Variants in ALOX5 observed in about 807,000 individuals in gnomAD.
The protein encoded by ALOX5 is arachidonate 5-lipoxygenase.
ALOX5 carries 64 observed loss-of-function variants against 87.9 expected under a neutral mutation model. That is an observed-to-expected ratio of 0.73 (90% confidence interval 0.60 to 0.90). The LOEUF (loss-of-function observed/expected upper bound fraction) is 0.90. Among genes scored for constraint, ALOX5 ranks in the 40% least tolerant of loss-of-function variants. ALOX5 has a pLI of 0.00. For missense variants in ALOX5, 822 were observed against 907.5 expected, an observed-to-expected ratio of 0.91 and a Z score of 1.21; for synonymous variants, 388 against 355.1, an observed-to-expected ratio of 1.09 and a Z score of -1.04.
Position 45,428,608 on chromosome 10 carries a change from C to A in ALOX5, c.835-10C>A. 1 of 1,613,942 alleles carries A rather than the reference C, an allele frequency of 6.2e-7. No individual in the cohort carries two copies. The highest frequency in any genetic ancestry group is 8.5e-7 in the Non-Finnish European group (1 of 1,179,956). On this transcript the variant is annotated splice_polypyrimidine_tract_variant and intron_variant, in intron 6 of 13. Coordinates refer to ENST00000374391, the MANE Select transcript of ALOX5 (RefSeq NM_000698.5). ...AGCCTGATTTGGACACATCTCTCTG[C>A]CTCCTGCAGCAAGGGAACATTTTCA...
rs1842311321 is a variant in ALOX5 at position 45,443,430 on chromosome 10, T to G, written c.1466T>G (p.Val489Gly). ...WEAIRTFTAE[V>G]VDIYYEGDQV... Reference sequence around the variant, plus strand: ...CCCTGAGCCAGGTTCACGGCCGAGGTGGTAGACATCTACTACGAGGGCGAC... The same window carrying G: ...CCCTGAGCCAGGTTCACGGCCGAGGGGGTAGACATCTACTACGAGGGCGAC... Residue 489 changes from valine to glycine, a missense_variant, in exon 11 of 14, where the codon GTG (valine) becomes GGG (glycine). Coordinates refer to ENST00000374391, the MANE Select transcript of ALOX5 (RefSeq NM_000698.5). 1 of 1,606,944 alleles carries G rather than the reference T, an allele frequency of 6.2e-7. No homozygotes were observed. Among genetic ancestry groups the G allele is most frequent in the African/African-American group, 1.3e-5 (1 of 74,936 alleles).
At chr10:45,434,443 TTGAG>T (rs1254805294) in intron 7 of ALOX5, among the ~76,000 whole-genome samples, 1 of 152,018 alleles carries the variant, frequency 6.6e-6, no homozygotes, top group Non-Finnish European at 1.5e-5. Flanking sequence ...CAGAAGAGGA[TTGAG>T]TGAGTGAGCC....
chr10:45,385,881 G>C (rs1839990067), intron 2 of ALOX5, among the ~76,000 whole-genome samples: 1 of 152,192 alleles, frequency 6.6e-6, no homozygotes, highest in African/African-American at 2.4e-5. Context: ...AATGTGGCCT[G>C]AGTGTCATCT....
intron 7 of ALOX5, among the ~76,000 whole-genome samples, chr10:45,432,680 G>C (rs1841945864): frequency 1.3e-5 from 2 of 151,908 alleles, no homozygotes; most frequent in South Asian, 4.1e-4. Context: ...AGAAGAAAAA[G>C]AAAAAATTCA....
Position 45,424,883 on chromosome 10 carries a change from AG to A in ALOX5, c.662-75del. 1.3e-6 allele frequency: 2 copies of A among 1,554,278 alleles called. 1 individual carries two copies. The highest frequency in any genetic ancestry group is 2.4e-5 in the South Asian group (2 of 84,514). On this transcript the variant is annotated intron_variant, in intron 5 of 13. Transcript: ENST00000374391. ...GAGACCAAGCAGGGACTCTGCTCTT[AG>A]GTGAGGTCAGGAGGGCCATGGCCCT...
At chr10:45,389,981 A>T (rs1183964037) in intron 2 of ALOX5, among the ~76,000 whole-genome samples, 1 of 152,226 alleles carries the variant, frequency 6.6e-6, no homozygotes, top group Non-Finnish European at 1.5e-5. Context: ...TAAGCTCAAA[A>T]TAAAGGGATT....
At chr10:45,432,498 A>G (rs1283393389) in intron 7 of ALOX5, among the ~76,000 whole-genome samples, 1 of 151,950 alleles carries the variant, frequency 6.6e-6, no homozygotes, top group Non-Finnish European at 1.5e-5. Context: ...CCAGAAATGG[A>G]CTCCCCCACA....
chr10:45,389,592 T>G (rs1840133887), intron 2 of ALOX5, among the ~76,000 whole-genome samples: 1 of 152,172 alleles, frequency 6.6e-6, no homozygotes, highest in Non-Finnish European at 1.5e-5. Flanking sequence ...CCAGCCAAAC[T>G]AAGCTTCATA....
chr10:45,428,295 A>G, intron 6 of ALOX5: 2 of 395,968 alleles, frequency 5.1e-6, no homozygotes, highest in Non-Finnish European at 9.1e-6. Flanking sequence ...CGTCACATCT[A>G]TTTCACCTAA....
intron 1 of ALOX5, among the ~76,000 whole-genome samples, chr10:45,375,846 C>T (rs1013922649): frequency 1.1e-4 from 17 of 152,186 alleles, no homozygotes; most frequent in Non-Finnish European, 8.8e-5. Context: ...GGGGAACTGA[C>T]CCTGAGGACT....
Position 45,443,746 on chromosome 10 carries a change from A to T in ALOX5, c.1592A>T (p.Lys531Met), listed in dbSNP as rs1215996807. Residue 531 changes from lysine to methionine, a missense_variant, in exon 12 of 14, where the codon AAG (lysine) becomes ATG (methionine). Transcript: ENST00000374391. Reference sequence around the variant, plus strand: ...ACCCTAGGCTTCCCCAAGTCGGTCAAGAGCCGGGAGCAGCTGTCGGAGTAC... The same window carrying T: ...ACCCTAGGCTTCCCCAAGTCGGTCATGAGCCGGGAGCAGCTGTCGGAGTAC... ...RKSSGFPKSV[K>M]SREQLSEYLT... The T allele has an allele frequency of 6.2e-7, 1 of 1,612,254 alleles. No individual in the cohort carries two copies. The highest frequency in any genetic ancestry group is 1.1e-5 in the South Asian group (1 of 90,900).
In ALOX5 at chr10:45,443,021, T is replaced by C. The variant is rs1445080389; in HGVS notation, c.1273-17T>C. On this transcript the variant is annotated splice_polypyrimidine_tract_variant and intron_variant, in intron 9 of 13. Transcript: ENST00000374391. ...GGGAGGAGCCACCCGCTCAGGGCAC[T>C]CTACCTCCCACTCCAGGCCAACGCC... 1.9e-6 allele frequency: 3 copies of C among 1,606,692 alleles called. No individual in the cohort carries two copies. Among genetic ancestry groups the C allele is most frequent in the Non-Finnish European group, 1.7e-6 (2 of 1,176,368 alleles).
chr10:45,419,441 G>A (rs1841423278), intron 4 of ALOX5, among the ~76,000 whole-genome samples: 2 of 152,172 alleles, frequency 1.3e-5, no homozygotes, highest in African/African-American at 4.8e-5. Flanking sequence ...GGACGGGGGA[G>A]AGGGAACCTG....
At chr10:45,391,060 C>CA (rs1840217628) in intron 2 of ALOX5, among the ~76,000 whole-genome samples, 3 of 58,486 alleles carry the variant, frequency 5.1e-5, no homozygotes, top group Admixed American at 1.8e-4. Context: ...TCCCCTCTCC[C>CA]TCTCCCTCTC....
chr10:45,412,439 TTGA>T, intron 4 of ALOX5, 126 bp downstream of exon 4: 2 of 1,279,510 alleles, frequency 1.6e-6, no homozygotes, highest in Non-Finnish European at 2.2e-6. Context: ...GCCAAACGCT[TTGA>T]TGATATGTTG....
chr10:45,438,370 G>A (rs1842122454), intron 7 of ALOX5, among the ~76,000 whole-genome samples: 1 of 152,160 alleles, frequency 6.6e-6, no homozygotes, highest in African/African-American at 2.4e-5. Context: ...TTCCCCCCAT[G>A]TAAAATGGGT....
chr10:45,442,867 G>C lies in ALOX5; in HGVS notation c.1273-171G>C. 13 of 675,898 alleles carry C rather than the reference G, an allele frequency of 1.9e-5. No individual in the cohort carries two copies. In the South Asian group the frequency reaches 2.6e-4, roughly 14 times the overall value. 41.9% of individuals were successfully genotyped at this position (675,898 alleles called of 1,614,324 possible). ...GCTCCTCCCTAGCACCTCTCCACCC[G>C]GCTGCCCTTGTCATTCTCTGCGTTA... On this transcript the variant is annotated intron_variant, in intron 9 of 13. Coordinates refer to ENST00000374391, the MANE Select transcript of ALOX5 (RefSeq NM_000698.5).
At chr10:45,390,998 CT>C (rs1840204865) in intron 2 of ALOX5, among the ~76,000 whole-genome samples, 1 of 55,168 alleles carries the variant, frequency 1.8e-5, no homozygotes, top group African/African-American at 9.4e-5. Flanking sequence ...CCCCTCTCCC[CT>C]CTCCCCTCTC....
Position 45,446,024 on chromosome 10 carries a change from A to T in ALOX5, c.*337A>T, listed in dbSNP as rs1199730729. ...ATTATTTTCTGTTCTATTTGTGCTT[A>T]GTCCAATTCCTTGCACATAGTAGGT... On this transcript the variant is annotated 3_prime_UTR_variant, in exon 14 of 14. Coordinates refer to ENST00000374391, the MANE Select transcript of ALOX5 (RefSeq NM_000698.5). 6.6e-6 allele frequency: 2 copies of T among 303,852 alleles called. No individual in the cohort carries two copies. The highest frequency in any genetic ancestry group is 1.1e-4 in the East Asian group (2 of 17,678). 18.8% of individuals were successfully genotyped at this position (303,852 alleles called of 1,614,324 possible).
Sources: gnomAD v4.1 joint callset for allele counts (sites outside exome capture counted in the v4.1 genomes callset) on GRCh38, gnomAD v4.1.1 for gene constraint, MANE v1.5 for transcripts, NCBI Gene and HGNC (gene_info 2026-07-23, HGNC 2026-07-21) for gene names.